Variants in NRG3 observed in about 807,000 individuals in gnomAD.
NRG3 encodes neuregulin 3.
NRG3 carries 31 observed loss-of-function variants against 66.9 expected under a neutral mutation model. The observed-to-expected ratio is 0.46, with a 90% CI of 0.35 to 0.63. The LOEUF (loss-of-function observed/expected upper bound fraction) is 0.63. Among genes scored for constraint, NRG3 ranks in the 20% least tolerant of loss-of-function variants. The probability of loss-of-function intolerance (pLI) is 0.00; values close to 1 mark genes in which losing one functional copy is unlikely to be tolerated. For missense variants in NRG3, 910 were observed against 878.9 expected, an observed-to-expected ratio of 1.04 and a Z score of -0.45; for synonymous variants, 393 against 359.4, an observed-to-expected ratio of 1.09 and a Z score of -1.06.
chr10:82,876,945 C>T (rs1841872966), intron 4 of NRG3, among the ~76,000 whole-genome samples: 1 of 151,424 alleles, frequency 6.6e-6, no homozygotes, highest in Admixed American at 6.6e-5. Flanking sequence ...ATCTCTTGAA[C>T]CCTGGAGGCA....
chr10:82,509,495 G>A (rs1844980535), intron 2 of NRG3, among the ~76,000 whole-genome samples: 1 of 152,140 alleles, frequency 6.6e-6, no homozygotes, highest in Non-Finnish European at 1.5e-5. Flanking sequence ...GATAAGACAT[G>A]GGCACAAGCC....
intron 1 of NRG3, among the ~76,000 whole-genome samples, chr10:82,261,641 A>G (rs1387328089): frequency 2.6e-5 from 4 of 152,170 alleles, no homozygotes. Context: ...CATTGATTCT[A>G]TAGATTATAG....
In NRG3 at chr10:81,875,380, G is replaced by A. The variant is rs973099688; in HGVS notation, c.40G>A (p.Ala14Thr). The A allele has an allele frequency of 9.1e-6, 9 of 994,016 alleles. No individual in the cohort carries two copies. The East Asian group carries it at 3.3e-4, about 37-fold the overall frequency. The allele number at this position is 994,016 out of a possible 1,614,324, so 61.6% of individuals were successfully genotyped here. Residue 14 changes from alanine to threonine, a missense_variant, in exon 1 of 9, where the codon GCT becomes ACT. Coordinates refer to ENST00000372141, the MANE Select transcript of NRG3 (RefSeq NM_001010848.4). The surrounding 1 kb of genome is among the most constrained non-coding windows in gnomAD (Gnocchi z 5.3). ...GGCCGCTGCCTCGCCACCTGGTGCC[G>A]CTTCGGCAGCCGCCGCCTCGGCCGA... The part of the protein sequence containing the change: ...GAAAASPPGA[A>T]SAAAASAEEG...
intron 4 of NRG3, among the ~76,000 whole-genome samples, chr10:82,934,167 C>G (rs890361630): frequency 6.6e-6 from 1 of 152,210 alleles, no homozygotes; most frequent in Non-Finnish European, 1.5e-5. Context: ...AAGAGATTCA[C>G]TTTTCTCTAA....
At chr10:82,241,032 A>C (rs888065340) in intron 1 of NRG3, among the ~76,000 whole-genome samples, 8 of 152,158 alleles carry the variant, frequency 5.3e-5, no homozygotes, top group African/African-American at 1.9e-4. Context: ...GTTGGAGATG[A>C]AATTCCTTGA....
intron 4 of NRG3, 56 bp from the exon 5 acceptor site, chr10:82,951,413 T>C (rs764055559): frequency 6.7e-6 from 9 of 1,341,146 alleles, no homozygotes; most frequent in Non-Finnish European, 5.4e-6. Flanking sequence ...TGGATGAAGA[T>C]AGTTGCTGAT....
intron 1 of NRG3, among the ~76,000 whole-genome samples, chr10:82,164,112 T>A: frequency 6.6e-6 from 1 of 151,816 alleles, no homozygotes; most frequent in East Asian, 2.0e-4. Flanking sequence ...TTAGAGATGG[T>A]GTTTCACCAT....
chr10:82,493,163 G>A (rs531767561), intron 2 of NRG3, among the ~76,000 whole-genome samples: 1 of 151,928 alleles, frequency 6.6e-6, no homozygotes, highest in Admixed American at 6.6e-5. Context: ...TGTCTAGGAT[G>A]TGCAGGTTTG....
At chr10:82,385,303 A>T (rs1347101012) in intron 2 of NRG3, among the ~76,000 whole-genome samples, 1 of 152,072 alleles carries the variant, frequency 6.6e-6, no homozygotes, top group Non-Finnish European at 1.5e-5. Context: ...TTTGCTGTGC[A>T]GAAGCTCTTT....
At chr10:82,440,132 C>G (rs2090356693) in intron 2 of NRG3, among the ~76,000 whole-genome samples, 1 of 151,924 alleles carries the variant, frequency 6.6e-6, no homozygotes, top group African/African-American at 2.4e-5. Flanking sequence ...GATCACTGGA[C>G]TCTACAGGTT....
chr10:81,916,991 C>A (rs1241448510), intron 1 of NRG3, among the ~76,000 whole-genome samples: 2 of 152,154 alleles, frequency 1.3e-5, no homozygotes, highest in Non-Finnish European at 2.9e-5. Context: ...AGTAGAGGGA[C>A]CAAAACTTTG....
chr10:82,456,974 T>C (rs1460209231), intron 2 of NRG3, among the ~76,000 whole-genome samples: 1 of 152,136 alleles, frequency 6.6e-6, no homozygotes, highest in East Asian at 1.9e-4. Context: ...TTCCTCTCCT[T>C]GGAATGCCTG....
chr10:82,206,011 C>T (rs890906801), intron 1 of NRG3, among the ~76,000 whole-genome samples: 1 of 152,122 alleles, frequency 6.6e-6, no homozygotes, highest in Non-Finnish European at 1.5e-5. Flanking sequence ...AGCTGCCATC[C>T]ACCATATAGG....
intron 1 of NRG3, among the ~76,000 whole-genome samples, chr10:82,023,993 G>C (rs1238779965): frequency 6.6e-6 from 1 of 152,010 alleles, no homozygotes; most frequent in Non-Finnish European, 1.5e-5. Context: ...GCTTTTCTTT[G>C]ATGTGAGACT....
At chr10:82,474,501 G>T (rs1841578419) in intron 2 of NRG3, among the ~76,000 whole-genome samples, 1 of 152,080 alleles carries the variant, frequency 6.6e-6, no homozygotes, top group Admixed American at 6.6e-5. Context: ...TTCAACAGCA[G>T]ATTTGAAGAA....
chr10:82,332,301 C>T (rs917165676), intron 1 of NRG3, among the ~76,000 whole-genome samples: 2 of 152,166 alleles, frequency 1.3e-5, no homozygotes, highest in Non-Finnish European at 2.9e-5. Context: ...TGGAAGCCTA[C>T]GCCTCACATT....
chr10:82,945,737 T>A (rs1422926461), intron 4 of NRG3, among the ~76,000 whole-genome samples: 2 of 152,188 alleles, frequency 1.3e-5, no homozygotes, highest in Non-Finnish European at 2.9e-5. Context: ...CATTGCCTAA[T>A]CACCTCATAA....
At chr10:82,643,265 T>C (rs1232477025) in intron 2 of NRG3, among the ~76,000 whole-genome samples, 3 of 151,988 alleles carry the variant, frequency 2.0e-5, no homozygotes, top group Non-Finnish European at 4.4e-5. Flanking sequence ...CCTGTGCTGT[T>C]ATTGTGATAG....
intron 2 of NRG3, among the ~76,000 whole-genome samples, chr10:82,474,774 G>A (rs1370367991): frequency 6.6e-6 from 1 of 152,016 alleles, no homozygotes; most frequent in Admixed American, 6.5e-5. Context: ...GAAGCTCAGT[G>A]AACTCCAAAT....
Sources: gnomAD v4.1 joint callset for allele counts (sites outside exome capture counted in the v4.1 genomes callset) on GRCh38, gnomAD v4.1.1 for gene constraint, Gnocchi (gnomAD v3.1) non-coding constraint, MANE v1.5 for transcripts, NCBI Gene and HGNC (gene_info 2026-07-23, HGNC 2026-07-21) for gene names.